The following MACROD2 variants were observed in gnomAD, a reference collection of about 807,000 sequenced individuals.
MACROD2 encodes ADP-ribose glycohydrolase MACROD2.
Under a neutral mutation model 70.4 loss-of-function variants are expected in MACROD2, and 36 were observed. The ratio of observed to expected loss-of-function variants is 0.51; its 90% CI spans 0.39 to 0.68. The LOEUF (loss-of-function observed/expected upper bound fraction) is 0.68. Among genes scored for constraint, MACROD2 ranks in the 30% least tolerant of loss-of-function variants. MACROD2 has a pLI of 0.00. For missense variants in MACROD2, 496 were observed against 538.4 expected (o/e 0.92, Z 0.78); for synonymous variants, 172 against 178.8 (o/e 0.96, Z 0.30).
intron 4 of MACROD2, among the ~76,000 whole-genome samples, chr20:14,526,844 C>T (rs574282894): frequency 2.0e-5 from 3 of 152,192 alleles, no homozygotes; most frequent in Admixed American, 6.5e-5. Flanking sequence ...CCCCAGTGGG[C>T]GTGTGTTACA....
At chr20:14,810,343 T>G (rs2072693959) in intron 5 of MACROD2, among the ~76,000 whole-genome samples, 1 of 152,034 alleles carries the variant, frequency 6.6e-6, no homozygotes, top group African/African-American at 2.4e-5. Flanking sequence ...AAAAACCACA[T>G]GATTATCTCA....
At chr20:14,499,444 G>T (rs1427602424) in intron 4 of MACROD2, among the ~76,000 whole-genome samples, 1 of 151,888 alleles carries the variant, frequency 6.6e-6, no homozygotes, top group Admixed American at 6.6e-5. Flanking sequence ...GAGGTGGGAG[G>T]ATCGCTTGAG....
At chr20:15,159,671 A>G (rs1005362395) in intron 5 of MACROD2, among the ~76,000 whole-genome samples, 1 of 151,954 alleles carries the variant, frequency 6.6e-6, no homozygotes, top group Non-Finnish European at 1.5e-5. Context: ...TTTTCCTGCC[A>G]TGCACAGCAC....
At chr20:15,818,971 C>T (rs1476288689) in intron 8 of MACROD2, among the ~76,000 whole-genome samples, 5 of 151,924 alleles carry the variant, frequency 3.3e-5, no homozygotes, top group Non-Finnish European at 7.3e-5. Context: ...GAAGTTATTA[C>T]ACAACTAGTA....
intron 8 of MACROD2, among the ~76,000 whole-genome samples, chr20:15,729,191 T>C (rs984560113): frequency 1.3e-5 from 2 of 152,224 alleles, no homozygotes; most frequent in Non-Finnish European, 2.9e-5. Flanking sequence ...TGTTGTTGTG[T>C]GATTTTGAGC....
intron 6 of MACROD2, among the ~76,000 whole-genome samples, chr20:15,281,894 C>A (rs1334640052): frequency 6.6e-6 from 1 of 152,236 alleles, no homozygotes; most frequent in Non-Finnish European, 1.5e-5. Flanking sequence ...GGGCTCTACC[C>A]CTGCAGCAGA....
chr20:14,551,943 C>T (rs1238338207), intron 4 of MACROD2, among the ~76,000 whole-genome samples: 2 of 152,044 alleles, frequency 1.3e-5, no homozygotes, highest in Non-Finnish European at 2.9e-5. Context: ...CTACTTATTT[C>T]ACTTTTTTGA....
chr20:15,568,728 A>G (rs1316032606), intron 8 of MACROD2, among the ~76,000 whole-genome samples: 1 of 152,322 alleles, frequency 6.6e-6, no homozygotes, highest in Middle Eastern at 3.4e-3. Flanking sequence ...TGCTCCTACA[A>G]TGATGTTTTC....
chr20:15,234,092 C>T (rs1238855997), intron 6 of MACROD2, among the ~76,000 whole-genome samples: 17 of 116,082 alleles, frequency 1.5e-4, no homozygotes, highest in African/African-American at 5.2e-4. Flanking sequence ...AGTGCAGTGG[C>T]GCAATCTCGG....
chr20:14,473,638 G>T (rs146565508), intron 3 of MACROD2, among the ~76,000 whole-genome samples: 2 of 152,198 alleles, frequency 1.3e-5, no homozygotes, highest in African/African-American at 4.8e-5. Context: ...TTGACATTCT[G>T]ATTTCATTTT....
At chr20:15,167,245 A>G (rs545944152) in intron 5 of MACROD2, among the ~76,000 whole-genome samples, 126 of 152,326 alleles carry the variant, frequency 8.3e-4, no homozygotes, top group African/African-American at 1.4e-3. Flanking sequence ...ACACTTCTGA[A>G]TATAACCAAA....
intron 2 of MACROD2, among the ~76,000 whole-genome samples, chr20:14,023,336 C>T (rs987511688): frequency 6.6e-6 from 1 of 151,936 alleles, no homozygotes; most frequent in African/African-American, 2.4e-5. Context: ...TAATTGTTTC[C>T]CATTCTGTAG....
intron 4 of MACROD2, among the ~76,000 whole-genome samples, chr20:14,670,662 C>A (rs1053988931): frequency 1.3e-5 from 2 of 152,102 alleles, no homozygotes; most frequent in Non-Finnish European, 2.9e-5. Flanking sequence ...TACAGAAACA[C>A]CATCCACATC....
Position 16,021,456 on chromosome 20 carries a change from G to A in MACROD2, c.1154-19745G>A, listed in dbSNP as rs76918058. Among the ~76,000 whole-genome samples, 23 of 152,264 alleles carry A rather than the reference G, an allele frequency of 1.5e-4. No individual in the cohort carries two copies. In the East Asian group the frequency reaches 2.7e-3, roughly 18 times the overall value. On this transcript the variant is annotated intron_variant, in intron 15 of 17. Coordinates refer to ENST00000684519, the MANE Select transcript of MACROD2 (RefSeq NM_001351661.2). ...TGCAGGGAGAGACAGAGGTGGCATCGCCTGTCCAGGGTGCGCAGCTAGTAA... is the reference window on the plus strand; with the variant it reads ...TGCAGGGAGAGACAGAGGTGGCATCACCTGTCCAGGGTGCGCAGCTAGTAA...
chr20:14,973,225 C>CTTTTTT lies in MACROD2; in HGVS notation c.419-256696_419-256691dup, dbSNP rs1223038135. ...AGAGTGCCTAAGAGGTGAGTAGTTG[C>CTTTTTT]TTTTTTTTTTTTTTTTTTTTTTTTG... On this transcript the variant is annotated intron_variant, in intron 5 of 17. Transcript: ENST00000684519. 6.7e-3 allele frequency among the ~76,000 whole-genome samples: 571 copies of CTTTTTT among 85,720 alleles called. 9 individuals carry two copies. Among genetic ancestry groups the CTTTTTT allele is most frequent in the Admixed American group, 0.011 (78 of 7,310 alleles). The allele number at this position is 85,720 out of a possible 152,430, so 56.2% of individuals were successfully genotyped here. A position where few individuals can be genotyped will look rare whatever the true frequency, so the allele number is the denominator to read the frequency against.
intron 8 of MACROD2, among the ~76,000 whole-genome samples, chr20:15,844,131 A>T (rs2064203754): frequency 1.3e-5 from 2 of 152,020 alleles, no homozygotes; most frequent in African/African-American, 4.8e-5. Flanking sequence ...GAACATGTAA[A>T]TGTTTTGCTG....
chr20:15,538,777 A>C (rs1041212682), intron 8 of MACROD2, among the ~76,000 whole-genome samples: 1 of 152,192 alleles, frequency 6.6e-6, no homozygotes, highest in African/African-American at 2.4e-5. Context: ...AAATACATTC[A>C]TCAATACTGT....
intron 4 of MACROD2, among the ~76,000 whole-genome samples, chr20:14,579,961 C>T (rs530320222): frequency 1.3e-4 from 20 of 152,180 alleles, no homozygotes; most frequent in African/African-American, 4.6e-4. Context: ...TAAGTGGAAT[C>T]TAATCAGTAA....
chr20:14,325,408 T>A (rs1385460931), intron 3 of MACROD2: 1 of 740,340 alleles, frequency 1.4e-6, no homozygotes, highest in Non-Finnish European at 2.0e-6. Context: ...AATAAAAAGT[T>A]CTTAAATATA....
Sources: gnomAD v4.1 joint callset for allele counts (sites outside exome capture counted in the v4.1 genomes callset) on GRCh38, gnomAD v4.1.1 for gene constraint, MANE v1.5 for transcripts, NCBI Gene and HGNC (gene_info 2026-07-23, HGNC 2026-07-21) for gene names.